GABRQ: variants seen among roughly 807,000 people sequenced by gnomAD.
GABRQ encodes the protein gamma-aminobutyric acid type A receptor subunit theta.
GABRQ carries 19 observed loss-of-function variants against 30.5 expected under a neutral mutation model. The observed-to-expected ratio is 0.62, with a 90% CI of 0.43 to 0.91. GABRQ has a LOEUF of 0.91. Ranked by LOEUF, GABRQ falls within the 40% of genes least tolerant of loss-of-function variation. GABRQ has a pLI of 0.00. For synonymous variants in GABRQ, 187 were observed against 210.2 expected (o/e 0.89, Z 0.95); for missense variants, 520 against 521.4 (o/e 1.00, Z 0.03).
chrX:152,656,573 T>A lies in GABRQ; in HGVS notation c.*3292T>A, dbSNP rs977624646. 1.1e-4 allele frequency: 12 copies of A among 112,445 alleles called. No homozygotes were observed. The highest frequency in any genetic ancestry group is 3.9e-4 in the African/African-American group (12 of 30,890). 9.3% of individuals were successfully genotyped at this position (112,445 alleles called of 1,213,427 possible). On this transcript the variant is annotated 3_prime_UTR_variant, in exon 9 of 9. Transcript: ENST00000598523. ...GTGCCTTTGCACAGGTCATGGACGA[T>A]CTGCTGGGTCTTACTAGAGCCTGTC...
chrX:152,646,682 G>A (rs1361857044), intron 3 of GABRQ, among the ~76,000 whole-genome samples: 3 of 112,204 alleles, frequency 2.7e-5, no homozygotes, highest in African/African-American at 9.7e-5. Flanking sequence ...CTGGGGGTGT[G>A]AGGGAAATAT....
At position 152,647,007 on chromosome X, in the gene GABRQ, T is replaced by C. The variant is rs1930904588; in HGVS notation, c.366T>C (p.Tyr122=). Residue 122 remains tyrosine, a synonymous_variant, in exon 4 of 9, where the codon TAT becomes TAC. Transcript: ENST00000598523. The stretch of plus-strand genomic sequence containing the variant: ...GGAAAGATTCACGCTTAGCATACTA[T>C]GAGACCACCCTGAACTTGACCCTGG... ...QTWKDSRLAY[Y]ETTLNLTLDY... 1 of 1,207,821 alleles carries C rather than the reference T, an allele frequency of 8.3e-7. No individual in the cohort carries two copies. The highest frequency in any genetic ancestry group is 2.2e-5 in the Admixed American group (1 of 46,061).
chrX:152,649,442 C>T, intron 5 of GABRQ, 109 bp downstream of exon 5: 1 of 524,759 alleles, frequency 1.9e-6, no homozygotes, highest in South Asian at 2.6e-5. Flanking sequence ...GTGCTCCCTC[C>T]CTCCCCCCAT....
rs782224928 is a variant in GABRQ at position 152,648,645 on chromosome X, G to C, written c.528-606G>C. Among the ~76,000 whole-genome samples, 3 of 111,703 alleles carry C rather than the reference G, an allele frequency of 2.7e-5. No individual in the cohort carries two copies. The East Asian group carries it at 8.5e-4, about 32-fold the overall frequency. ...CAAAGTGCTGGGATGACAGGTGTGA[G>C]CCACCGCGCCCGGCCGGATTCTTCT... On this transcript the variant is annotated intron_variant, in intron 4 of 8. Coordinates refer to ENST00000598523, the MANE Select transcript of GABRQ (RefSeq NM_018558.4).
Position 152,656,842 on chromosome X carries a change from G to A in GABRQ, c.*3561G>A, listed in dbSNP as rs1931158878. 1 of 112,247 alleles carries A rather than the reference G, an allele frequency of 8.9e-6. No homozygotes were observed. Among genetic ancestry groups the A allele is most frequent in the African/African-American group, 3.2e-5 (1 of 30,864 alleles). 9.3% of individuals were successfully genotyped at this position (112,247 alleles called of 1,213,427 possible). ...AGCTATTCCATAGCCCAACATCAAAGGAAATCGTGACTCGTCCTACTAGAA... is the reference window on the plus strand; with the variant it reads ...AGCTATTCCATAGCCCAACATCAAAAGAAATCGTGACTCGTCCTACTAGAA... On this transcript the variant is annotated 3_prime_UTR_variant, in exon 9 of 9. Transcript: ENST00000598523.
chrX:152,648,705 C>A (rs1314271613), intron 4 of GABRQ, among the ~76,000 whole-genome samples: 1 of 112,162 alleles, frequency 8.9e-6, no homozygotes, highest in African/African-American at 3.2e-5. Context: ...ACTTAAAGCT[C>A]CTGCCCACTT....
chrX:152,652,284 T>C lies in GABRQ; in HGVS notation c.1159-257T>C, dbSNP rs189163537. On this transcript the variant is annotated intron_variant, in intron 8 of 8. Coordinates refer to ENST00000598523, the MANE Select transcript of GABRQ (RefSeq NM_018558.4). ...CAGGCATCCATCCACCACACAGCAC[T>C]CCTGAGGGAGCAGCTGCCTCCAGCG... is the stretch of plus-strand genomic sequence containing the variant. Among the ~76,000 whole-genome samples the C allele has an allele frequency of 4.3e-4, 48 of 112,904 alleles. 1 individual carries two copies. The East Asian group carries it at 0.011, about 25-fold the overall frequency.
chrX:152,644,691 C>T (rs1172760969), intron 2 of GABRQ, among the ~76,000 whole-genome samples: 8 of 112,078 alleles, frequency 7.1e-5, no homozygotes, highest in Admixed American at 1.9e-4. Context: ...CTGTAATACA[C>T]GCACACACTC....
At chrX:152,643,865 A>G (rs935739530) in intron 2 of GABRQ, among the ~76,000 whole-genome samples, 1 of 111,114 alleles carries the variant, frequency 9.0e-6, no homozygotes, top group Non-Finnish European at 1.9e-5. Context: ...TACACCAAAC[A>G]CACTCACAAG....
Position 152,653,610 on chromosome X carries a change from T to C in GABRQ, c.*329T>C, listed in dbSNP as rs1323843473. The C allele has an allele frequency of 6.8e-5, 13 of 192,162 alleles. No homozygotes were observed. Among genetic ancestry groups the C allele is most frequent in the African/African-American group, 3.9e-4 (13 of 33,620 alleles). The allele number at this position is 192,162 out of a possible 1,213,427, so 15.8% of individuals were successfully genotyped here. On this transcript the variant is annotated 3_prime_UTR_variant, in exon 9 of 9. Transcript: ENST00000598523. ...GTTTAGAGGACAGAGAAGAGCCAGG[T>C]TGGGGGATGGGGCAAGGATCTGGGC...
chrX:152,653,019 T>C lies in GABRQ; in HGVS notation c.1637T>C (p.Ile546Thr). 1 of 1,211,269 alleles carries C rather than the reference T, an allele frequency of 8.3e-7. No homozygotes were observed. The highest frequency in any genetic ancestry group is 1.1e-6 in the Non-Finnish European group (1 of 895,072). Reference protein sequence around the residue: ...DNNDKSDCLAIKEQFKCDTNS... With the variant: ...DNNDKSDCLATKEQFKCDTNS... ...AATGACAAGAGCGACTGCCTTGCCATTAAGGAGCAATTCAAGTGTGATACT... is the reference window on the plus strand; with the variant it reads ...AATGACAAGAGCGACTGCCTTGCCACTAAGGAGCAATTCAAGTGTGATACT... Residue 546 changes from isoleucine (I) to threonine (T), a missense_variant, in exon 9 of 9, where the codon ATT (isoleucine) becomes ACT (threonine). Coordinates refer to ENST00000598523, the MANE Select transcript of GABRQ (RefSeq NM_018558.4).
intron 5 of GABRQ, 62 bp from the exon 6 acceptor site, chrX:152,649,680 C>T: frequency 1.0e-6 from 1 of 970,900 alleles, no homozygotes; most frequent in Non-Finnish European, 1.5e-6. Context: ...TGTAGCATGT[C>T]TTTTTTGTGC....
chrX:152,650,635 A>T, intron 7 of GABRQ, 55 bp downstream of exon 7: 1 of 971,258 alleles, frequency 1.0e-6, no homozygotes, highest in Non-Finnish European at 1.4e-6. Flanking sequence ...TCAGAAAAAA[A>T]GTTGAGAGTA....
At position 152,650,436 on chromosome X, in the gene GABRQ, A is replaced by T. The variant is rs1556819970; in HGVS notation, c.757A>T (p.Ile253Leu). 2 of 1,206,906 alleles carry T rather than the reference A, an allele frequency of 1.7e-6. No homozygotes were observed. The highest frequency in any genetic ancestry group is 3.6e-5 in the South Asian group (2 of 56,034). The change falls in exon 7 of 9, where the codon ATA becomes TTA. Residue 253 changes from isoleucine to leucine, a missense_variant. Coordinates refer to ENST00000598523, the MANE Select transcript of GABRQ (RefSeq NM_018558.4). ...KEVYFYTGSYIRLILKFQVQR... is the reference protein window; with the variant it reads ...KEVYFYTGSYLRLILKFQVQR... ...GTGTGTCTCCTTGCCAGGTTCCTAC[A>T]TACGCCTGATACTGAAGTTCCAGGT...
In GABRQ at chrX:152,637,947, G is replaced by A. The variant is rs3810649; in HGVS notation, c.-256G>A. ...GAGCGCACCTCGCAGCTGCCGGGCG[G>A]GCCCTGGGGGGAGCTGCGTCCAGCA... On this transcript the variant is annotated 5_prime_UTR_variant, in exon 1 of 9. Coordinates refer to ENST00000598523, the MANE Select transcript of GABRQ (RefSeq NM_018558.4). Among the ~76,000 whole-genome samples the A allele has an allele frequency of 3.5e-5, 4 of 113,497 alleles. No homozygotes were observed. The East Asian group carries it at 1.1e-3, about 32-fold the overall frequency.
downstream of GABRQ, among the ~76,000 whole-genome samples, chrX:152,658,458 T>C (rs143044545): frequency 9.5e-4 from 106 of 112,156 alleles, 2 homozygotes; most frequent in East Asian, 0.027. Context: ...GGCTCCCCCA[T>C]GTGGTCACAG....
In GABRQ at chrX:152,653,989, T is replaced by A. The variant is rs782811774; in HGVS notation, c.*708T>A. 2.7e-5 allele frequency: 3 copies of A among 111,873 alleles called. No individual in the cohort carries two copies. In the East Asian group the frequency reaches 8.5e-4, roughly 32 times the overall value. The allele number at this position is 111,873 out of a possible 1,213,427, so 9.2% of individuals were successfully genotyped here. ...TGAGACATCAGGGTGAGAGAGCACATACTCAGCTTGTGGGGTTGGCAGAGG... is the reference window on the plus strand; with the variant it reads ...TGAGACATCAGGGTGAGAGAGCACAAACTCAGCTTGTGGGGTTGGCAGAGG... On this transcript the variant is annotated 3_prime_UTR_variant, in exon 9 of 9. Coordinates refer to ENST00000598523, the MANE Select transcript of GABRQ (RefSeq NM_018558.4).
Position 152,657,125 on chromosome X carries a change from C to G in GABRQ, c.*3844C>G, listed in dbSNP as rs1359351515. 1 of 112,249 alleles carries G rather than the reference C, an allele frequency of 8.9e-6. No homozygotes were observed. Among genetic ancestry groups the G allele is most frequent in the Non-Finnish European group, 1.9e-5 (1 of 53,305 alleles). 9.3% of individuals were successfully genotyped at this position (112,249 alleles called of 1,213,427 possible). ...GAGCTAAAGGTGCCCGAATTTAGCA[C>G]AGCTGGCTGTGGTGCCTGACATAGG... On this transcript the variant is annotated 3_prime_UTR_variant, in exon 9 of 9. Coordinates refer to ENST00000598523, the MANE Select transcript of GABRQ (RefSeq NM_018558.4).
intron 8 of GABRQ, 128 bp downstream of exon 8, chrX:152,651,910 C>A: frequency 1.9e-6 from 1 of 519,540 alleles, no homozygotes; most frequent in Non-Finnish European, 3.2e-6. Context: ...ACACGCAAAA[C>A]ACACACACAC....
Sources: allele counts gnomAD v4.1 joint callset (sites outside exome capture counted in the v4.1 genomes callset), GRCh38; gene constraint gnomAD v4.1.1; transcripts MANE v1.5; gene names NCBI Gene and HGNC (gene_info 2026-07-23, HGNC 2026-07-21).